Variants in FHIT observed in about 807,000 individuals in gnomAD.
FHIT encodes the protein fragile histidine triad diadenosine triphosphatase.
In FHIT, 19 loss-of-function variants were observed where a neutral mutation model predicts 17.9. The observed-to-expected ratio is 1.06, with a 90% confidence interval of 0.74 to 1.56. FHIT has a LOEUF of 1.56. Among genes scored for constraint, FHIT ranks in the 40% most tolerant of loss-of-function variants. FHIT has a pLI of 0.00. For synonymous variants in FHIT, 81 were observed against 69.7 expected (o/e 1.16, Z -0.81); for missense variants, 248 against 189.2 (o/e 1.31, Z -1.82).
chr3:60,894,912 A>G (rs1705709724), intron 3 of FHIT, among the ~76,000 whole-genome samples: 1 of 152,190 alleles, frequency 6.6e-6, no homozygotes, highest in Non-Finnish European at 1.5e-5. Context: ...AGGTGTGAAC[A>G]TTAAAAGCTT....
intron 3 of FHIT, among the ~76,000 whole-genome samples, chr3:60,894,472 G>A (rs1156947780): frequency 2.6e-5 from 4 of 152,116 alleles, no homozygotes; most frequent in Admixed American, 2.6e-4. Context: ...AGCAATGGGT[G>A]AAAGGATTTT....
chr3:59,855,399 T>A (rs142630593), intron 8 of FHIT, among the ~76,000 whole-genome samples: 3 of 152,338 alleles, frequency 2.0e-5, no homozygotes, highest in Admixed American at 2.0e-4. Context: ...ATTGCATGTA[T>A]AATTGGTCCT....
chr3:60,126,498 C>T (rs776631713), intron 5 of FHIT, among the ~76,000 whole-genome samples: 63 of 152,092 alleles, frequency 4.1e-4, no homozygotes, highest in Non-Finnish European at 8.7e-4. Flanking sequence ...AAACAGCTAC[C>T]GTTTATTGGA....
At chr3:60,780,101 T>A (rs1215588391) in intron 4 of FHIT, among the ~76,000 whole-genome samples, 1 of 152,202 alleles carries the variant, frequency 6.6e-6, no homozygotes, top group Non-Finnish European at 1.5e-5. Context: ...ACCTAAGGTA[T>A]CTGCTGGAAG....
Position 60,063,169 on chromosome 3 carries a change from A to T in FHIT, c.104-49017T>A, listed in dbSNP as rs576581182. ...CACAGAGAAGGTGGAGAGAACTTTA[A>T]CTTCTCATGAACTGTGGAATTGGTA... On this transcript the variant is annotated intron_variant, in intron 5 of 9. Transcript: ENST00000492590. Among the ~76,000 whole-genome samples the T allele has an allele frequency of 7.7e-4, 118 of 152,268 alleles. 1 individual carries two copies. In the Middle Eastern group the frequency reaches 0.01, roughly 13 times the overall value.
intron 4 of FHIT, among the ~76,000 whole-genome samples, chr3:60,804,302 C>T (rs1180966485): frequency 1.3e-5 from 2 of 152,174 alleles, no homozygotes; most frequent in African/African-American, 4.8e-5. Context: ...AGGAAACACA[C>T]AAAATTGCCT....
intron 3 of FHIT, among the ~76,000 whole-genome samples, chr3:60,868,034 C>T (rs1704239545): frequency 6.6e-6 from 1 of 151,998 alleles, no homozygotes; most frequent in South Asian, 2.1e-4. Context: ...TGTGTGCTCA[C>T]CAAGACATAG....
At chr3:60,860,271 G>GAGATACATCATATGTATACATA (rs1703625387) in intron 3 of FHIT, among the ~76,000 whole-genome samples, 1 of 137,040 alleles carries the variant, frequency 7.3e-6, no homozygotes, top group Non-Finnish European at 1.6e-5. Context: ...ATGTATACAT[G>GAGATACATCATATGTATACATA]AGATACATCA....
intron 8 of FHIT, among the ~76,000 whole-genome samples, chr3:59,761,445 T>G (rs756983241): frequency 2.0e-5 from 3 of 152,098 alleles, no homozygotes; most frequent in Non-Finnish European, 4.4e-5. Flanking sequence ...TCTGTTTTCT[T>G]CTACACATAC....
At chr3:60,127,268 C>A (rs1196415811) in intron 5 of FHIT, among the ~76,000 whole-genome samples, 1 of 152,182 alleles carries the variant, frequency 6.6e-6, no homozygotes, top group East Asian at 1.9e-4. Context: ...GTACCCAGAC[C>A]TTTAGATAAT....
At chr3:60,156,301 G>C (rs2107348184) in intron 5 of FHIT, among the ~76,000 whole-genome samples, 1 of 151,104 alleles carries the variant, frequency 6.6e-6, no homozygotes, top group East Asian at 2.0e-4. Context: ...AGTGAGCCGA[G>C]ATTGTGCCAC....
At position 60,106,007 on chromosome 3, in the gene FHIT, C is replaced by T. The variant is rs184595284; in HGVS notation, c.104-91855G>A. On this transcript the variant is annotated intron_variant, in intron 5 of 9. Coordinates refer to ENST00000492590, the MANE Select transcript of FHIT (RefSeq NM_002012.4). ...AAATAAACAATTCATAAGTTTTCAA[C>T]TGCAAGCAGTTCTGAGTAGTGTGAT... 2.5e-3 allele frequency among the ~76,000 whole-genome samples: 378 copies of T among 152,296 alleles called. 2 individuals are homozygous for T. The highest frequency in any genetic ancestry group is 8.5e-3 in the African/African-American group (354 of 41,570).
intron 5 of FHIT, among the ~76,000 whole-genome samples, chr3:60,507,972 T>C (rs2107536956): frequency 6.6e-6 from 1 of 152,308 alleles, no homozygotes; most frequent in Non-Finnish European, 1.5e-5. Context: ...TGAATAGTGC[T>C]TCGGTGAACA....
At chr3:60,808,110 G>A (rs894558596) in intron 4 of FHIT, among the ~76,000 whole-genome samples, 1 of 152,188 alleles carries the variant, frequency 6.6e-6, no homozygotes, top group Non-Finnish European at 1.5e-5. Flanking sequence ...TGCAATTGCT[G>A]AGGGGTAATT....
At chr3:60,225,485 A>T (rs1435715107) in intron 5 of FHIT, among the ~76,000 whole-genome samples, 1 of 152,166 alleles carries the variant, frequency 6.6e-6, no homozygotes, top group East Asian at 1.9e-4. Context: ...CTAGGTATAA[A>T]TGTCTGGGTA....
At chr3:60,701,554 A>C (rs1282390807) in intron 4 of FHIT, among the ~76,000 whole-genome samples, 2 of 151,984 alleles carry the variant, frequency 1.3e-5, no homozygotes, top group Non-Finnish European at 2.9e-5. Context: ...TTGCTGAGTC[A>C]GTTCCTGGGT....
intron 7 of FHIT, among the ~76,000 whole-genome samples, chr3:59,970,268 C>T (rs1164876306): frequency 6.6e-6 from 1 of 152,076 alleles, no homozygotes; most frequent in Non-Finnish European, 1.5e-5. Flanking sequence ...GAGCACAAGA[C>T]ACTATTCTTT....
intron 5 of FHIT, among the ~76,000 whole-genome samples, chr3:60,237,887 G>T (rs1467896316): frequency 3.3e-5 from 5 of 152,100 alleles, no homozygotes; most frequent in Admixed American, 3.3e-4. Flanking sequence ...TATAATCCCA[G>T]TACTTTGGGA....
chr3:60,246,524 T>C (rs1189508777), intron 5 of FHIT, among the ~76,000 whole-genome samples: 2 of 152,030 alleles, frequency 1.3e-5, no homozygotes, highest in Non-Finnish European at 2.9e-5. Context: ...GAAGAACAGG[T>C]GGCTGAGAGG....
Sources: gnomAD v4.1 joint callset for allele counts (sites outside exome capture counted in the v4.1 genomes callset) on GRCh38, gnomAD v4.1.1 for gene constraint, MANE v1.5 for transcripts, NCBI Gene and HGNC (gene_info 2026-07-23, HGNC 2026-07-21) for gene names.